CCPG1: variants seen among roughly 807,000 people sequenced by gnomAD.
CCPG1 encodes cell cycle progression protein 1.
In CCPG1, 46 loss-of-function variants were observed where a neutral mutation model predicts 81.3. The observed-to-expected ratio is 0.57, with a 90% CI of 0.45 to 0.72. CCPG1 has a LOEUF of 0.72. Among genes scored for constraint, CCPG1 ranks in the 30% least tolerant of loss-of-function variants. The probability of loss-of-function intolerance (pLI) is 0.00; values close to 1 mark genes in which losing one functional copy is unlikely to be tolerated. For synonymous variants in CCPG1, 330 were observed against 305.2 expected, an observed-to-expected ratio of 1.08 and a Z score of -0.85; for missense variants, 902 against 937.6, an observed-to-expected ratio of 0.96 and a Z score of 0.50.
chr15:55,357,296 A>G, intron 8 of CCPG1: 5 of 984,064 alleles, frequency 5.1e-6, no homozygotes, highest in Non-Finnish European at 6.0e-6. Flanking sequence ...TCTCCTTCAC[A>G]AGAAATATCA....
chr15:55,375,433 C>A (rs1305045795), intron 5 of CCPG1, among the ~76,000 whole-genome samples: 1 of 152,010 alleles, frequency 6.6e-6, no homozygotes, highest in Non-Finnish European at 1.5e-5. Context: ...CAACACAAAT[C>A]CTGGAGTTTA....
At chr15:55,408,051 G>A (rs1437707636) in intron 1 of CCPG1, 170 bp downstream of exon 1, 1 of 152,522 alleles carries the variant, frequency 6.6e-6, no homozygotes, top group African/African-American at 2.4e-5. Context: ...ACGGCCCGAG[G>A]AGGTCGCCCG....
intron 2 of CCPG1, among the ~76,000 whole-genome samples, chr15:55,388,094 T>C (rs895319053): frequency 6.6e-6 from 1 of 151,796 alleles, no homozygotes; most frequent in African/African-American, 2.4e-5. Context: ...AAGGTTGCTG[T>C]GAGCCGAGAT....
Position 55,360,810 on chromosome 15 carries a change from T to A in CCPG1, c.963A>T (p.Leu321Phe). ...TGTTTAACTCTTCCTGTAATGAGGA[T>A]AAGGCTTTTTCTTCCTTCTCCAAGG... is the stretch of plus-strand genomic sequence containing the variant. ...RVSLEKEEKA[L>F]SSLQEELNKL... The change falls in exon 8 of 9, where the codon TTA becomes TTT. Residue 321 changes from leucine (L) to phenylalanine (F), a missense_variant. This residue lies in a region of CCPG1 where 746 missense variants were observed against 728.6 expected (regional missense o/e 1.02). Coordinates refer to ENST00000442196, the MANE Select transcript of CCPG1 (RefSeq NM_001204450.2). 6.2e-7 allele frequency: 1 copy of A among 1,612,248 alleles called. No homozygotes were observed. The highest frequency in any genetic ancestry group is 2.2e-5 in the East Asian group (1 of 44,864).
intron 5 of CCPG1, chr15:55,374,205 C>A (rs776241301): frequency 4.0e-5 from 51 of 1,288,960 alleles, no homozygotes; most frequent in Non-Finnish European, 5.1e-5. Context: ...ATCATCCCAT[C>A]CCCATATGCA....
intron 5 of CCPG1, chr15:55,372,697 A>G (rs915839414): frequency 2.2e-4 from 58 of 259,192 alleles, no homozygotes; most frequent in Admixed American, 2.2e-3. Context: ...AGGTATAAAC[A>G]AGTATTATTT....
chr15:55,364,820 C>G (rs544791169), intron 7 of CCPG1, among the ~76,000 whole-genome samples: 4 of 151,836 alleles, frequency 2.6e-5, no homozygotes, highest in Non-Finnish European at 5.9e-5. Flanking sequence ...TTGCAGCAAC[C>G]TGAGGTTGCA....
Position 55,365,253 on chromosome 15 carries a change from A to G in CCPG1, c.763T>C (p.Leu255=), listed in dbSNP as rs1019760008. The change falls in exon 7 of 9, where the codon TTG becomes CTG. Residue 255 remains leucine, a synonymous_variant. Coordinates refer to ENST00000442196, the MANE Select transcript of CCPG1 (RefSeq NM_001204450.2). ...QLVRKIHEDE[L]NDMKDYLSQC... is the part of the protein sequence containing the mutation. ...GAAAGATAATCCTTCATATCATTCA[A>G]TTCATCTTCATGTATCTTTCTGACT... 2.6e-6 allele frequency: 4 copies of G among 1,530,006 alleles called. No individual in the cohort carries two copies. The highest frequency in any genetic ancestry group is 1.7e-4 in the Middle Eastern group (1 of 5,806). The allele number at this position is 1,530,006 out of a possible 1,614,324, so 94.8% of individuals were successfully genotyped here.
At chr15:55,382,036 A>G (rs1252470104) in intron 3 of CCPG1, among the ~76,000 whole-genome samples, 1 of 152,250 alleles carries the variant, frequency 6.6e-6, no homozygotes, top group East Asian at 1.9e-4. Context: ...ATTATTGCTA[A>G]AAAGTGCTAG....
At chr15:55,377,229 T>A in intron 4 of CCPG1, 79 bp from the exon 5 acceptor site, 1 of 947,104 alleles carries the variant, frequency 1.1e-6, no homozygotes, top group Non-Finnish European at 1.6e-6. Flanking sequence ...ACAACAGTAG[T>A]AAGTATTATA....
chr15:55,365,243 A>G lies in CCPG1; in HGVS notation c.773T>C (p.Met258Thr), dbSNP rs777366097. 6.6e-7 allele frequency: 1 copy of G among 1,511,386 alleles called. No homozygotes were observed. The highest frequency in any genetic ancestry group is 9.2e-7 in the Non-Finnish European group (1 of 1,092,318). The allele number at this position is 1,511,386 out of a possible 1,614,324, so 93.6% of individuals were successfully genotyped here. The change falls in exon 7 of 9, where the codon ATG (methionine) becomes ACG (threonine). Residue 258 changes from methionine (M) to threonine (T), a missense_variant. By Grantham distance (81) the Met-to-Thr change is moderately conservative. Around this residue, in one of 3 missense-constraint regions of CCPG1, gnomAD observed 746 missense variants for 728.6 expected, o/e 1.02. Transcript: ENST00000442196. The part of the protein sequence containing the change: ...RKIHEDELND[M>T]KDYLSQCQQE... The stretch of plus-strand genomic sequence containing the variant: ...TTGACACTGGGAAAGATAATCCTTC[A>G]TATCATTCAATTCATCTTCATGTAT...
intron 3 of CCPG1, among the ~76,000 whole-genome samples, chr15:55,383,167 A>C (rs1308426649): frequency 6.6e-6 from 1 of 152,240 alleles, no homozygotes; most frequent in Non-Finnish European, 1.5e-5. Flanking sequence ...AGCAGGAAAC[A>C]AAGTAACATG....
intron 1 of CCPG1, among the ~76,000 whole-genome samples, chr15:55,390,988 C>T (rs750479847): frequency 5.9e-5 from 9 of 152,100 alleles, no homozygotes; most frequent in East Asian, 1.9e-4. Context: ...AAAACTACTA[C>T]GGTAAAATAA....
intron 6 of CCPG1, among the ~76,000 whole-genome samples, chr15:55,370,597 C>T (rs2056425892): frequency 6.6e-6 from 1 of 152,192 alleles, no homozygotes; most frequent in Admixed American, 6.5e-5. Flanking sequence ...TCAAGACTGG[C>T]TGGGTGCGGT....
At chr15:55,399,573 A>G (rs2057087723) in intron 1 of CCPG1, among the ~76,000 whole-genome samples, 1 of 152,130 alleles carries the variant, frequency 6.6e-6, no homozygotes, top group Non-Finnish European at 1.5e-5. Flanking sequence ...TGGGTGACAG[A>G]GCAAGACTCT....
At position 55,365,174 on chromosome 15, in the gene CCPG1, T is replaced by G; in HGVS notation, c.828+14A>C. ...TTACTAACAATTATTTTAAATACTG[T>G]TAGTGGTACATACCTTATAATCTAT... On this transcript the variant is annotated intron_variant, in intron 7 of 8. Transcript: ENST00000442196. 1 of 1,385,852 alleles carries G rather than the reference T, an allele frequency of 7.2e-7. No homozygotes were observed. Among genetic ancestry groups the G allele is most frequent in the Non-Finnish European group, 1.0e-6 (1 of 1,002,170 alleles). The allele number at this position is 1,385,852 out of a possible 1,614,324, so 85.8% of individuals were successfully genotyped here. A position where few individuals can be genotyped will look rare whatever the true frequency, so the allele number is the denominator to read the frequency against.
chr15:55,376,990 G>A lies in CCPG1; in HGVS notation c.413C>T (p.Ser138Phe), dbSNP rs1365169800. The A allele has an allele frequency of 3.1e-6, 5 of 1,613,600 alleles. No homozygotes were observed. Among genetic ancestry groups the A allele is most frequent in the South Asian group, 1.1e-5 (1 of 91,082 alleles). ...AQSSEDFNMG[S>F]SSSSQYTFCQ... ...GAAAGTATACTGGCTGCTAGAGGAA[G>A]AGCCCATGTTAAAGTCTTCTGAACT... The change falls in exon 5 of 9, where the codon TCT becomes TTT. Residue 138 changes from serine (S) to phenylalanine (F), a missense_variant. Around this residue, in one of 3 missense-constraint regions of CCPG1, gnomAD observed 746 missense variants for 728.6 expected, o/e 1.02. Transcript: ENST00000442196.
In CCPG1 at chr15:55,361,940, C is replaced by A. The variant is rs74015573; in HGVS notation, c.829-996G>T. Among the ~76,000 whole-genome samples, 609 of 152,152 alleles carry A rather than the reference C, an allele frequency of 4.0e-3. 5 individuals carry two copies. The highest frequency in any genetic ancestry group is 0.014 in the African/African-American group (585 of 41,530). ...CTTGAACATTTATAACTAACTTATC[C>A]AATTTTATGGTAAATTTTTGAAGTT... On this transcript the variant is annotated intron_variant, in intron 7 of 8. Coordinates refer to ENST00000442196, the MANE Select transcript of CCPG1 (RefSeq NM_001204450.2).
chr15:55,389,411 G>T lies in CCPG1; in HGVS notation c.14C>A (p.Ser5Tyr). The change falls in exon 2 of 9, where the codon TCC becomes TAC. Residue 5 changes from serine to tyrosine, a missense_variant. Ser to Tyr is a moderately radical substitution (Grantham distance 144, BLOSUM62 -2). Around this residue, in one of 3 missense-constraint regions of CCPG1, gnomAD observed 28 missense variants for 47.8 expected, o/e 0.59. Transcript: ENST00000442196. ...ACCACAAGATGAATCACTGTCACTGGAATTTTCAGACATCTTTCAGGTCTA... is the reference window on the plus strand; with the variant it reads ...ACCACAAGATGAATCACTGTCACTGTAATTTTCAGACATCTTTCAGGTCTA... MSEN[S>Y]SDSDSSCGWT... 2 of 1,610,870 alleles carry T rather than the reference G, an allele frequency of 1.2e-6. No individual in the cohort carries two copies. The highest frequency in any genetic ancestry group is 1.7e-6 in the Non-Finnish European group (2 of 1,177,214).
Sources: allele counts gnomAD v4.1 joint callset (sites outside exome capture counted in the v4.1 genomes callset), GRCh38; gene constraint gnomAD v4.1.1; regional missense constraint gnomAD v4.1.1; transcripts MANE v1.5; gene names NCBI Gene and HGNC (gene_info 2026-07-23, HGNC 2026-07-21).